TPM4: variants seen among roughly 807,000 people sequenced by gnomAD.
TPM4 encodes the protein tropomyosin alpha-4 chain.
TPM4 carries 17 observed loss-of-function variants against 35.8 expected under a neutral mutation model. The ratio of observed to expected loss-of-function variants is 0.47; its 90% CI spans 0.32 to 0.71. The LOEUF (loss-of-function observed/expected upper bound fraction) is 0.71. Among genes scored for constraint, TPM4 ranks in the 30% least tolerant of loss-of-function variants. The probability of loss-of-function intolerance (pLI) is 0.03; values close to 1 mark genes in which losing one functional copy is unlikely to be tolerated. For synonymous variants in TPM4, 120 were observed against 122.9 expected, an observed-to-expected ratio of 0.98 and a Z score of 0.15; for missense variants, 240 against 320.9, an observed-to-expected ratio of 0.75 and a Z score of 1.93.
At chr19:16,076,825 G>C in intron 1 of TPM4, 128 bp downstream of exon 1, 1 of 1,261,974 alleles carries the variant, frequency 7.9e-7, no homozygotes, top group East Asian at 3.3e-5. Context: ...CTCGGACGCC[G>C]ATCGCCGACC....
At chr19:16,081,263 G>A (rs190401637) in intron 1 of TPM4, 3 of 393,828 alleles carry the variant, frequency 7.6e-6, no homozygotes, top group African/African-American at 4.1e-5. Flanking sequence ...TCAGAGAAGA[G>A]CCTATCTTAG....
chr19:16,082,329 T>G (rs1760056708), intron 2 of TPM4, among the ~76,000 whole-genome samples: 2 of 152,040 alleles, frequency 1.3e-5, no homozygotes, highest in African/African-American at 2.4e-5. Flanking sequence ...GCCAACATGG[T>G]GAAACCCCGT....
Position 16,089,073 on chromosome 19 carries a change from A to G in TPM4, c.484A>G (p.Lys162Glu). The G allele has an allele frequency of 6.2e-7, 1 of 1,614,146 alleles. No homozygotes were observed. Among genetic ancestry groups the G allele is most frequent in the Non-Finnish European group, 8.5e-7 (1 of 1,180,018 alleles). ...LKCGDLEEELKNVTNNLKSLE... is the reference protein window; with the variant it reads ...LKCGDLEEELENVTNNLKSLE... Reference sequence around the variant, plus strand: ...ATGTGGTGACCTGGAAGAAGAACTCAAGAATGTTACTAACAATCTGAAATC... The same window carrying G: ...ATGTGGTGACCTGGAAGAAGAACTCGAGAATGTTACTAACAATCTGAAATC... Residue 162 changes from lysine to glutamate, a missense_variant, in exon 5 of 8, where the codon AAG becomes GAG. By Grantham distance (56) the Lys-to-Glu change is moderately conservative. Coordinates refer to ENST00000643579, the MANE Select transcript of TPM4 (RefSeq NM_003290.3).
intron 2 of TPM4, among the ~76,000 whole-genome samples, chr19:16,069,876 C>A (rs1199191040): frequency 6.6e-6 from 1 of 151,852 alleles, no homozygotes; most frequent in Non-Finnish European, 1.5e-5. Flanking sequence ...GTGAGGGGGG[C>A]TGTGCGAACC....
chr19:16,080,336 T>A (rs1423016521), intron 1 of TPM4: 1 of 207,666 alleles, frequency 4.8e-6, no homozygotes, highest in Non-Finnish European at 9.8e-6. Context: ...AGGATGAAAT[T>A]GCAGTAAAAT....
rs539289727 is a variant in TPM4, at chr19:16,084,403, G to A, written c.267-2020G>A. ...AATCAAGGGAGAGAGTGGCAGCTCCGGCAGCCACGGGGCAGTGGAAGGACC... is the reference window on the plus strand; with the variant it reads ...AATCAAGGGAGAGAGTGGCAGCTCCAGCAGCCACGGGGCAGTGGAAGGACC... On this transcript the variant is annotated intron_variant, in intron 2 of 7. Transcript: ENST00000643579. Among the ~76,000 whole-genome samples the A allele has an allele frequency of 2.3e-4, 35 of 152,270 alleles. No homozygotes were observed. The East Asian group carries it at 6.4e-3, about 28-fold the overall frequency.
intron 7 of TPM4, among the ~76,000 whole-genome samples, chr19:16,096,647 C>G (rs918087286): frequency 6.6e-6 from 1 of 152,128 alleles, no homozygotes; most frequent in Non-Finnish European, 1.5e-5. Flanking sequence ...AGCTCCCAGT[C>G]CTGGGAGGAA....
chr19:16,100,269 G>A (rs1259790778), intron 7 of TPM4: 3 of 152,150 alleles, frequency 2.0e-5, no homozygotes, highest in Non-Finnish European at 4.4e-5. Context: ...GGTTACCAGA[G>A]TTCACAAGGA....
chr19:16,071,190 T>C (rs2090354003), intron 2 of TPM4, among the ~76,000 whole-genome samples: 1 of 152,202 alleles, frequency 6.6e-6, no homozygotes, highest in South Asian at 2.1e-4. Flanking sequence ...TATATCAGTC[T>C]TTAAATGTAT....
In TPM4 at chr19:16,067,747, C is replaced by T. The variant is rs757578564; in HGVS notation, c.114+9C>T. 3 of 1,610,084 alleles carry T rather than the reference C, an allele frequency of 1.9e-6. No homozygotes were observed. The highest frequency in any genetic ancestry group is 2.5e-6 in the Non-Finnish European group (3 of 1,178,890). On this transcript the variant is annotated intron_variant, in intron 2 of 2. Transcript: ENST00000589897. This position sits in a 1 kb window ranked among gnomAD's most constrained non-coding sequence, Gnocchi z 4.1. ...AGGACAAGTGCAAGCAGGTGAGGTG[C>T]CCTCCGCTGGGCCGCTCCGGGCTGC...
rs1476800421 is a variant in TPM4 at position 16,070,842 on chromosome 19, C to T, written c.114+3104C>T. On this transcript the variant is annotated intron_variant, in intron 2 of 2. Coordinates refer to the TPM4 transcript ENST00000589897. The surrounding 1 kb of genome is among the most constrained non-coding windows in gnomAD (Gnocchi z 7.4). ...AGTGTTCCCTGCCACAAGCTCTCTCCGCCTTCTCTGTGCCCCTCCCTGGCA... is the reference window on the plus strand; with the variant it reads ...AGTGTTCCCTGCCACAAGCTCTCTCTGCCTTCTCTGTGCCCCTCCCTGGCA... Among the ~76,000 whole-genome samples the T allele has an allele frequency of 2.0e-5, 3 of 152,308 alleles. No individual in the cohort carries two copies. The highest frequency in any genetic ancestry group is 1.9e-4 in the East Asian group (1 of 5,174).
upstream of TPM4, chr19:16,076,137 G>A: frequency 1.3e-6 from 2 of 1,574,486 alleles, no homozygotes; most frequent in Middle Eastern, 1.7e-4. Context: ...GGACGCGCAG[G>A]AGAAGCTGGA....
Position 16,076,601 on chromosome 19 carries a change from C to G in TPM4, c.36C>G (p.Arg12=). 6.8e-7 allele frequency: 1 copy of G among 1,471,648 alleles called. No homozygotes were observed. The highest frequency in any genetic ancestry group is 1.5e-5 in the African/African-American group (1 of 68,254). 91.2% of individuals were successfully genotyped at this position (1,471,648 alleles called of 1,614,324 possible). ...AGLNSLEAVK[R]KIQALQQQAD... ...TCAACTCCCTGGAGGCGGTGAAACG[C>G]AAGATCCAGGCCCTGCAGCAGCAGG... Residue 12 remains arginine, a synonymous_variant, in exon 1 of 8, where the codon CGC becomes CGG. Coordinates refer to ENST00000643579, the MANE Select transcript of TPM4 (RefSeq NM_003290.3).
chr19:16,076,125 A>C (rs1306815261), upstream of TPM4: 1 of 1,586,164 alleles, frequency 6.3e-7, no homozygotes. Flanking sequence ...CGAGGACCTG[A>C]AGGACGCGCA....
intron 7 of TPM4, among the ~76,000 whole-genome samples, chr19:16,096,734 G>A (rs2090702297): frequency 6.6e-6 from 1 of 152,138 alleles, no homozygotes. Flanking sequence ...GGAAAGTGCT[G>A]TGACGTCAGA....
At chr19:16,086,384 G>A in intron 2 of TPM4, 39 bp from the exon 3 acceptor site, 1 of 1,553,112 alleles carries the variant, frequency 6.4e-7, no homozygotes, top group South Asian at 1.1e-5. Flanking sequence ...GTGGAGGGGT[G>A]TGAGTGAACG....
intron 1 of TPM4, among the ~76,000 whole-genome samples, chr19:16,079,545 A>G (rs1243107212): frequency 2.0e-5 from 3 of 152,316 alleles, no homozygotes; most frequent in Admixed American, 2.0e-4. Context: ...ACACTGCAAT[A>G]CGAAACACCT....
In TPM4 at chr19:16,076,509, G is replaced by A. The variant is rs950126175; in HGVS notation, c.-57G>A. The A allele has an allele frequency of 9.5e-6, 13 of 1,368,636 alleles. No individual in the cohort carries two copies. The highest frequency in any genetic ancestry group is 6.6e-5 in the South Asian group (4 of 60,972). 84.8% of individuals were successfully genotyped at this position (1,368,636 alleles called of 1,614,324 possible). ...GGGGCGCGGCTGTGCAGCTCTCGCC[G>A]GAGCCGAGCCCAGCCGAGCGTCCGC... is the stretch of plus-strand genomic sequence containing the variant. On this transcript the variant is annotated 5_prime_UTR_variant, in exon 1 of 8. Coordinates refer to ENST00000643579, the MANE Select transcript of TPM4 (RefSeq NM_003290.3).
rs551098674 is a variant in TPM4, at chr19:16,093,415, C to T, written c.532-121C>T. On this transcript the variant is annotated intron_variant, in intron 5 of 7. Coordinates refer to ENST00000643579, the MANE Select transcript of TPM4 (RefSeq NM_003290.3). ...TTCACCATGTTGGCCAGGCTGGTCT[C>T]GAACTCCTGACCTTGTGATCCACCA... 4.6e-3 allele frequency: 5,050 copies of T among 1,087,174 alleles called. 21 individuals are homozygous for T. Among genetic ancestry groups the T allele is most frequent in the Non-Finnish European group, 6.1e-3 (4,502 of 732,608 alleles). The allele number at this position is 1,087,174 out of a possible 1,614,324, so 67.3% of individuals were successfully genotyped here. A position where few individuals can be genotyped will look rare whatever the true frequency, so the allele number is the denominator to read the frequency against.
Sources: allele counts gnomAD v4.1 joint callset (sites outside exome capture counted in the v4.1 genomes callset), GRCh38; gene constraint gnomAD v4.1.1; non-coding constraint Gnocchi (gnomAD v3.1); transcripts MANE v1.5; gene names NCBI Gene and HGNC (gene_info 2026-07-23, HGNC 2026-07-21).